Variants in ADCY9 observed in about 807,000 individuals in gnomAD.
The protein encoded by ADCY9 is adenylate cyclase type 9.
A neutral mutation model predicts 101.5 loss-of-function variants in ADCY9; 50 were observed. That is an observed-to-expected ratio of 0.49 (90% CI 0.39 to 0.62). The LOEUF is 0.62. Ranked by LOEUF, ADCY9 falls within the 20% of genes least tolerant of loss-of-function variation. The pLI, the probability that ADCY9 is intolerant of heterozygous loss-of-function variation, is 0.00. For missense variants in ADCY9, 1,662 were observed against 1,800.4 expected, an observed-to-expected ratio of 0.92 and a Z score of 1.39; for synonymous variants, 905 against 769.3, an observed-to-expected ratio of 1.18 and a Z score of -2.92.
intron 10 of ADCY9, 47 bp downstream of exon 10, chr16:3,974,622 C>G (rs1053095631): frequency 5.9e-6 from 9 of 1,529,286 alleles, no homozygotes; most frequent in Non-Finnish European, 7.2e-6. Context: ...CAGGGTAATA[C>G]AGTCACTCTC....
At chr16:4,102,139 C>T (rs536876182) in intron 2 of ADCY9, among the ~76,000 whole-genome samples, 4 of 152,210 alleles carry the variant, frequency 2.6e-5, no homozygotes, top group East Asian at 1.9e-4. Context: ...CAGCGGGGAG[C>T]GTTAGTTATT....
chr16:4,087,668 G>C (rs1048956431), intron 2 of ADCY9, among the ~76,000 whole-genome samples: 1 of 151,738 alleles, frequency 6.6e-6, no homozygotes, highest in Non-Finnish European at 1.5e-5. Flanking sequence ...GGATGTGCTG[G>C]ATCAAATCAG....
chr16:3,969,609 T>TGC (rs2056033153), intron 10 of ADCY9, among the ~76,000 whole-genome samples: 3 of 94,938 alleles, frequency 3.2e-5, no homozygotes, highest in Non-Finnish European at 5.8e-5. Flanking sequence ...TATATATATA[T>TGC]GTATTTTTTT....
intron 2 of ADCY9, among the ~76,000 whole-genome samples, chr16:4,098,419 A>G (rs1321630867): frequency 1.3e-5 from 2 of 151,804 alleles, no homozygotes; most frequent in African/African-American, 4.8e-5. Context: ...TTTTTAGTAG[A>G]GATGGGGTTT....
chr16:4,012,252 A>G (rs2056409101), intron 2 of ADCY9, among the ~76,000 whole-genome samples: 1 of 152,186 alleles, frequency 6.6e-6, no homozygotes, highest in South Asian at 2.1e-4. Context: ...TTAAAGTGAA[A>G]CCTTTTGTCA....
At chr16:4,031,432 T>C (rs1356776193) in intron 2 of ADCY9, among the ~76,000 whole-genome samples, 1 of 152,252 alleles carries the variant, frequency 6.6e-6, no homozygotes, top group Admixed American at 6.5e-5. Context: ...CAAATGTGTG[T>C]ATAATTATAT....
intron 6 of ADCY9, 111 bp from the exon 7 acceptor site, chr16:3,983,551 G>C: frequency 1.1e-6 from 1 of 912,668 alleles, no homozygotes; most frequent in Non-Finnish European, 1.7e-6. Flanking sequence ...TCTGGGCCAG[G>C]CACAGGGCAG....
chr16:4,038,331 T>G (rs1351666491), intron 2 of ADCY9, among the ~76,000 whole-genome samples: 1 of 150,004 alleles, frequency 6.7e-6, no homozygotes, highest in East Asian at 1.9e-4. Flanking sequence ...GAAGAAGTCA[T>G]GAGTGCTCCA....
intron 2 of ADCY9, among the ~76,000 whole-genome samples, chr16:4,082,579 T>C (rs1238667569): frequency 2.0e-5 from 3 of 151,378 alleles, no homozygotes; most frequent in South Asian, 2.1e-4. Context: ...CACACACACA[T>C]GCATGCATGC....
intron 6 of ADCY9, among the ~76,000 whole-genome samples, chr16:3,988,748 G>A (rs1461651820): frequency 2.0e-5 from 3 of 152,190 alleles, no homozygotes; most frequent in African/African-American, 7.2e-5. Flanking sequence ...GAGATGCCAC[G>A]GCAGAGGAAA....
chr16:4,003,446 C>T (rs1172551835), intron 3 of ADCY9, among the ~76,000 whole-genome samples: 1 of 152,188 alleles, frequency 6.6e-6, no homozygotes, highest in Non-Finnish European at 1.5e-5. Context: ...CTGGCGTCCA[C>T]AGGCACCATT....
At chr16:4,040,726 G>C (rs1173464516) in intron 2 of ADCY9, among the ~76,000 whole-genome samples, 1 of 152,144 alleles carries the variant, frequency 6.6e-6, no homozygotes, top group African/African-American at 2.4e-5. Flanking sequence ...CACAGTGCTG[G>C]TATTATAGGA....
intron 7 of ADCY9, among the ~76,000 whole-genome samples, chr16:3,980,424 C>G (rs1031334267): frequency 6.6e-6 from 1 of 152,134 alleles, no homozygotes; most frequent in African/African-American, 2.4e-5. Context: ...GTGGGGTCCT[C>G]GTGGGGAGAC....
At chr16:4,027,742 T>A (rs1381301319) in intron 2 of ADCY9, among the ~76,000 whole-genome samples, 1 of 152,064 alleles carries the variant, frequency 6.6e-6, no homozygotes, top group Non-Finnish European at 1.5e-5. Context: ...CTGGGTGTGG[T>A]GGTCCATGCC....
At chr16:4,007,300 T>A in intron 3 of ADCY9, 68 bp downstream of exon 3, 1 of 1,385,864 alleles carries the variant, frequency 7.2e-7, no homozygotes, top group Non-Finnish European at 9.5e-7. Context: ...TGCTTATTAT[T>A]TCACGTGCTC....
At chr16:4,031,096 C>A (rs971028852) in intron 2 of ADCY9, among the ~76,000 whole-genome samples, 1 of 152,140 alleles carries the variant, frequency 6.6e-6, no homozygotes, top group African/African-American at 2.4e-5. Context: ...CTGATTGGAT[C>A]CTGGATGAAC....
At chr16:4,091,221 G>A (rs956484614) in intron 2 of ADCY9, among the ~76,000 whole-genome samples, 2 of 152,086 alleles carry the variant, frequency 1.3e-5, no homozygotes, top group Admixed American at 6.5e-5. Flanking sequence ...TTATAAGCAC[G>A]CGCCATGATG....
intron 2 of ADCY9, among the ~76,000 whole-genome samples, chr16:4,064,730 G>A (rs1000909195): frequency 6.6e-6 from 1 of 151,886 alleles, no homozygotes; most frequent in African/African-American, 2.4e-5. Flanking sequence ...CCTCCCACCT[G>A]GACCTCCCAA....
chr16:4,095,948 C>T (rs58280905), intron 2 of ADCY9, among the ~76,000 whole-genome samples: 5,971 of 146,774 alleles, frequency 0.041, 422 homozygotes, highest in African/African-American at 0.14. Flanking sequence ...CTGCACTCTA[C>T]CCTGGGTGAC....
Sources: allele counts gnomAD v4.1 joint callset (sites outside exome capture counted in the v4.1 genomes callset), GRCh38; gene constraint gnomAD v4.1.1; transcripts MANE v1.5; gene names NCBI Gene and HGNC (gene_info 2026-07-23, HGNC 2026-07-21).